The following TCP11L1 variants were observed in gnomAD, a reference collection of about 807,000 sequenced individuals.
TCP11L1 encodes T-complex protein 11-like protein 1.
In TCP11L1, 28 loss-of-function variants were observed where a neutral mutation model predicts 48.9. That is an observed-to-expected ratio of 0.57 (90% CI 0.42 to 0.78). The LOEUF is 0.78. Ranked by LOEUF, TCP11L1 falls within the 30% of genes least tolerant of loss-of-function variation. The probability of loss-of-function intolerance (pLI) is 0.00; values close to 1 mark genes in which losing one functional copy is unlikely to be tolerated. For synonymous variants in TCP11L1, 204 were observed against 231.9 expected, an observed-to-expected ratio of 0.88 and a Z score of 1.09; for missense variants, 505 against 613.4, an observed-to-expected ratio of 0.82 and a Z score of 1.87.
chr11:33,044,066 G>T, intron 2 of TCP11L1, 130 bp downstream of exon 2: 2 of 921,066 alleles, frequency 2.2e-6, no homozygotes, highest in East Asian at 2.8e-5. Context: ...TAGCATTTAG[G>T]AATAATAGCA....
At chr11:33,043,717 T>G (rs1233057529) in intron 1 of TCP11L1, 33 bp from the exon 2 acceptor site, 7 of 1,548,156 alleles carry the variant, frequency 4.5e-6, no homozygotes, top group Non-Finnish European at 6.1e-6. Context: ...TAGAATACTT[T>G]TAGTTCTTTT....
At chr11:33,071,293 G>A (rs1338552825) in intron 9 of TCP11L1, among the ~76,000 whole-genome samples, 2 of 152,116 alleles carry the variant, frequency 1.3e-5, no homozygotes, top group African/African-American at 2.4e-5. Flanking sequence ...CAGCCTGGGC[G>A]ACAGAGTGAA....
intron 2 of TCP11L1, among the ~76,000 whole-genome samples, chr11:33,049,553 G>A (rs1168695245): frequency 6.6e-6 from 1 of 152,134 alleles, no homozygotes; most frequent in Non-Finnish European, 1.5e-5. Flanking sequence ...TAGTGTAATA[G>A]TGGGGAGAGG....
chr11:33,055,456 C>T (rs977818639), intron 3 of TCP11L1, among the ~76,000 whole-genome samples: 2 of 152,150 alleles, frequency 1.3e-5, no homozygotes, highest in African/African-American at 4.8e-5. Context: ...ACATCTTCCC[C>T]TGGAGTCATG....
At chr11:33,067,982 A>T (rs888951820) in intron 8 of TCP11L1, among the ~76,000 whole-genome samples, 1 of 151,882 alleles carries the variant, frequency 6.6e-6, no homozygotes, top group Admixed American at 6.6e-5. Flanking sequence ...GCTGGAGTGC[A>T]ATGACGTGAT....
At chr11:33,047,036 A>G (rs1854017106) in intron 2 of TCP11L1, among the ~76,000 whole-genome samples, 1 of 152,070 alleles carries the variant, frequency 6.6e-6, no homozygotes, top group Admixed American at 6.6e-5. Context: ...CAACCTGGCC[A>G]ACATGGTGAA....
intron 1 of TCP11L1, among the ~76,000 whole-genome samples, chr11:33,042,523 C>G (rs1028677458): frequency 5.3e-5 from 8 of 152,142 alleles, no homozygotes; most frequent in African/African-American, 1.9e-4. Context: ...AAAAAGCCCA[C>G]CCAACTGCAT....
At chr11:33,057,315 CTT>C (rs1854339189) in intron 4 of TCP11L1, 80 bp downstream of exon 4, 2 of 1,578,198 alleles carry the variant, frequency 1.3e-6, no homozygotes, top group African/African-American at 2.7e-5. Context: ...CACCAGAAGA[CTT>C]TAAAGAAATT....
rs1489019141 is a variant in TCP11L1, at chr11:33,061,616, G to T, written c.862G>T (p.Gly288Ter). ...QKYKHALPVG[G>*]MAAGSGDMPR... ...GTATAAACACGCCCTGCCAGTGGGG[G>T]GAATGGCTGCTGGCTCTGGGGACAT... is the stretch of plus-strand genomic sequence containing the variant. Residue 288 changes from glycine (G) to a stop codon, truncating the protein, a stop_gained, in exon 7 of 10, where the codon GGA becomes TGA. Transcript: ENST00000334274. LOFTEE classifies it high-confidence loss of function. 1 of 1,612,626 alleles carries T rather than the reference G, an allele frequency of 6.2e-7. No homozygotes were observed.
At chr11:33,064,493 G>A (rs1854554880) in intron 7 of TCP11L1, among the ~76,000 whole-genome samples, 1 of 152,180 alleles carries the variant, frequency 6.6e-6, no homozygotes, top group South Asian at 2.1e-4. Context: ...CATCTGTGCA[G>A]CCTTTCCCTT....
intron 1 of TCP11L1, chr11:33,040,211 G>T (rs1317961154): frequency 6.6e-6 from 1 of 152,232 alleles, no homozygotes; most frequent in Non-Finnish European, 1.5e-5. Context: ...TGGCAAGTGC[G>T]AGGATCCTCC....
intron 7 of TCP11L1, among the ~76,000 whole-genome samples, chr11:33,064,231 T>G (rs1439573046): frequency 1.3e-5 from 2 of 152,244 alleles, no homozygotes; most frequent in African/African-American, 4.8e-5. Context: ...GAATTGATCC[T>G]TGGCAATCTG....
At chr11:33,042,193 C>T (rs946214754) in intron 1 of TCP11L1, among the ~76,000 whole-genome samples, 12 of 152,064 alleles carry the variant, frequency 7.9e-5, no homozygotes, top group Admixed American at 4.6e-4. Flanking sequence ...TGCAGTGGTG[C>T]GATCTCGGCT....
At chr11:33,051,597 C>T (rs1479499624) in intron 2 of TCP11L1, among the ~76,000 whole-genome samples, 2 of 152,092 alleles carry the variant, frequency 1.3e-5, no homozygotes, top group African/African-American at 2.4e-5. Context: ...GGCACAATCT[C>T]AGCTCACTGC....
chr11:33,070,459 G>C (rs1316439463), intron 9 of TCP11L1, among the ~76,000 whole-genome samples: 2 of 152,128 alleles, frequency 1.3e-5, no homozygotes, highest in Non-Finnish European at 2.9e-5. Flanking sequence ...GCCGAGCCGG[G>C]CAGTTCACCT....
intron 3 of TCP11L1, among the ~76,000 whole-genome samples, 193 bp downstream of exon 3, chr11:33,054,918 C>T (rs1481949207): frequency 6.6e-6 from 1 of 152,222 alleles, no homozygotes; most frequent in Admixed American, 6.5e-5. Flanking sequence ...GAAAGTCTGC[C>T]TACTCAGTAG....
intron 6 of TCP11L1, 54 bp downstream of exon 6, chr11:33,059,149 G>A (rs879609177): frequency 9.4e-6 from 15 of 1,591,380 alleles, no homozygotes; most frequent in Admixed American, 7.1e-5. Flanking sequence ...TTTCATTTTA[G>A]CTGCCATAGC....
intron 2 of TCP11L1, among the ~76,000 whole-genome samples, chr11:33,051,210 C>G (rs1273325786): frequency 6.6e-6 from 1 of 152,046 alleles, no homozygotes; most frequent in Non-Finnish European, 1.5e-5. Flanking sequence ...CTCTGTCGCC[C>G]AGGCTGGAGT....
At chr11:33,044,652 G>A (rs567585401) in intron 2 of TCP11L1, among the ~76,000 whole-genome samples, 1 of 152,302 alleles carries the variant, frequency 6.6e-6, no homozygotes, top group South Asian at 2.1e-4. Flanking sequence ...ACATTTTTGG[G>A]TTTTGGGGTG....
Sources: allele counts gnomAD v4.1 joint callset (sites outside exome capture counted in the v4.1 genomes callset), GRCh38; gene constraint gnomAD v4.1.1; transcripts MANE v1.5; gene names NCBI Gene and HGNC (gene_info 2026-07-23, HGNC 2026-07-21).